The following SYTL2 variants were observed in gnomAD, a reference collection of about 807,000 sequenced individuals.
SYTL2 encodes synaptotagmin like 2.
Under a neutral mutation model 198.7 loss-of-function variants are expected in SYTL2, and 165 were observed. The ratio of observed to expected loss-of-function variants is 0.83; its 90% CI spans 0.73 to 0.94. The LOEUF (loss-of-function observed/expected upper bound fraction) is 0.94. Ranked by LOEUF, SYTL2 falls within the 40% of genes least tolerant of loss-of-function variation. SYTL2 has a pLI of 0.00. For missense variants in SYTL2, 2,835 were observed against 2,582.8 expected, an observed-to-expected ratio of 1.10 and a Z score of -2.12; for synonymous variants, 966 against 917.7, an observed-to-expected ratio of 1.05 and a Z score of -0.95.
chr11:85,835,514 T>A, the SYTL2 span, among the ~76,000 whole-genome samples: 1 of 152,256 alleles, frequency 6.6e-6, no homozygotes, highest in African/African-American at 2.4e-5. Context: ...ACTTGCCTTG[T>A]TATTTTCAGT....
the SYTL2 span, among the ~76,000 whole-genome samples, chr11:85,849,431 G>T: frequency 6.6e-6 from 1 of 152,208 alleles, no homozygotes; most frequent in East Asian, 1.9e-4. Flanking sequence ...TAGGTCTAAC[G>T]TTTAAGTCTT....
chr11:85,704,873 G>A lies in SYTL2; in HGVS notation c.6174C>T (p.Tyr2058=). 1 of 1,613,116 alleles carries A rather than the reference G, an allele frequency of 6.2e-7. No homozygotes were observed. The highest frequency in any genetic ancestry group is 8.5e-7 in the Non-Finnish European group (1 of 1,179,462). The stretch of plus-strand genomic sequence containing the variant: ...CCGGACTCACCTTCCGCTTCAGAGG[G>A]TACCATCTCAATTGTTTATTCTGTT... The part of the protein sequence containing the change: ...DNKQNKQLRW[Y]PLKRKTAPVA... The change falls in exon 16 of 20, where the codon TAC becomes TAT. Residue 2058 remains tyrosine (Y), a synonymous_variant. Coordinates refer to ENST00000359152, the MANE Select transcript of SYTL2 (RefSeq NM_206927.4).
chr11:85,741,839 A>C (rs1443131140), intron 4 of SYTL2, among the ~76,000 whole-genome samples: 2 of 152,348 alleles, frequency 1.3e-5, no homozygotes, highest in East Asian at 3.9e-4. Context: ...ACAGACGGTA[A>C]GAAGGAGACT....
chr11:85,696,029 G>T (rs2083355278), intron 19 of SYTL2, among the ~76,000 whole-genome samples, 154 bp downstream of exon 19: 1 of 152,110 alleles, frequency 6.6e-6, no homozygotes, highest in Non-Finnish European at 1.5e-5. Flanking sequence ...CATACAACCT[G>T]ACATTTCTTT....
intron 1 of SYTL2, among the ~76,000 whole-genome samples, chr11:85,761,501 T>C (rs1040075965): frequency 2.0e-5 from 3 of 152,116 alleles, no homozygotes; most frequent in Non-Finnish European, 4.4e-5. Flanking sequence ...GGTAAGACTG[T>C]ATTAGGCCTT....
At chr11:85,819,656 A>C in the SYTL2 span, among the ~76,000 whole-genome samples, 1 of 152,218 alleles carries the variant, frequency 6.6e-6, no homozygotes, top group African/African-American at 2.4e-5. Context: ...TTCAGTATCA[A>C]TGTGGGAGGG....
At chr11:85,760,966 G>T (rs1449523699) in intron 1 of SYTL2, among the ~76,000 whole-genome samples, 1 of 152,154 alleles carries the variant, frequency 6.6e-6, no homozygotes, top group African/African-American at 2.4e-5. Flanking sequence ...GCAGTATGAG[G>T]TGCTCACCCA....
chr11:85,714,545 A>C, intron 11 of SYTL2, 38 bp from the exon 12 acceptor site: 1 of 1,591,078 alleles, frequency 6.3e-7, no homozygotes, highest in Non-Finnish European at 8.6e-7. Flanking sequence ...TTATTCTTAC[A>C]ATTGTCAGAA....
the SYTL2 span, among the ~76,000 whole-genome samples, chr11:85,850,553 T>C: frequency 1.3e-5 from 2 of 151,174 alleles, no homozygotes; most frequent in Admixed American, 6.6e-5. Flanking sequence ...TGTGGAGAAA[T>C]AGGAACACTT....
chr11:85,707,811 C>A (rs2085443198), intron 14 of SYTL2, among the ~76,000 whole-genome samples: 1 of 151,704 alleles, frequency 6.6e-6, no homozygotes, highest in Non-Finnish European at 1.5e-5. Context: ...TGGAAAGGGG[C>A]AGAAAACACA....
chr11:85,724,335 T>C lies in SYTL2; in HGVS notation c.5023A>G (p.Thr1675Ala). ...PQLYVAHEIG[T>A]IKTVTPPEDR... ...TCTGGGGGGGTTACAGTTTTAATGG[T>C]CCCTATTTCATGAGCCACATAAAGT... The change falls in exon 8 of 20, where the codon ACC (threonine) becomes GCC (alanine). Residue 1675 changes from threonine to alanine, a missense_variant. Thr to Ala is a moderately conservative substitution (Grantham distance 58, BLOSUM62 0). This residue lies in a region of SYTL2 where 2,645 missense variants were observed against 2,381.7 expected (regional missense o/e 1.11). Transcript: ENST00000359152. 2 of 1,583,080 alleles carry C rather than the reference T, an allele frequency of 1.3e-6. No homozygotes were observed. Among genetic ancestry groups the C allele is most frequent in the Non-Finnish European group, 8.6e-7 (1 of 1,167,402 alleles).
intron 11 of SYTL2, chr11:85,716,397 G>A (rs948701234): frequency 6.6e-6 from 1 of 152,122 alleles, no homozygotes; most frequent in African/African-American, 2.4e-5. Flanking sequence ...TTAAGAATTT[G>A]TCAAGTCATG....
At chr11:85,750,088 T>C (rs1418691220) in intron 2 of SYTL2, among the ~76,000 whole-genome samples, 1 of 152,136 alleles carries the variant, frequency 6.6e-6, no homozygotes, top group Non-Finnish European at 1.5e-5. Flanking sequence ...GTGACCTCTG[T>C]AGATGACAGA....
chr11:85,701,979 G>A (rs1366744657), intron 16 of SYTL2, among the ~76,000 whole-genome samples: 1 of 152,124 alleles, frequency 6.6e-6, no homozygotes, highest in East Asian at 1.9e-4. Context: ...AGACTGAAAA[G>A]GTAAGCAGGA....
intron 13 of SYTL2, 86 bp from the exon 14 acceptor site, chr11:85,709,586 T>C (rs953173331): frequency 3.9e-6 from 5 of 1,286,422 alleles, no homozygotes; most frequent in Non-Finnish European, 5.5e-6. Context: ...CCTGCTGGCA[T>C]TATTTCTTTA....
In SYTL2 at chr11:85,727,803, T is replaced by C; in HGVS notation, c.1555A>G (p.Ile519Val). ...TEIKKSTDDS[I>V]FKVLDWFNRS... ...TTAAACCAGTCTAGAACTTTAAATATGGAATCATCAGTTGACTTCTTTATC... is the reference window on the plus strand; with the variant it reads ...TTAAACCAGTCTAGAACTTTAAATACGGAATCATCAGTTGACTTCTTTATC... The change falls in exon 8 of 20, where the codon ATA becomes GTA. Residue 519 changes from isoleucine to valine, a missense_variant. Coordinates refer to ENST00000359152, the MANE Select transcript of SYTL2 (RefSeq NM_206927.4). 6.2e-7 allele frequency: 1 copy of C among 1,604,204 alleles called. No individual in the cohort carries two copies. Among genetic ancestry groups the C allele is most frequent in the Non-Finnish European group, 8.5e-7 (1 of 1,175,402 alleles).
intron 1 of SYTL2, among the ~76,000 whole-genome samples, chr11:85,797,954 A>G (rs1338151593): frequency 6.6e-6 from 1 of 151,864 alleles, no homozygotes; most frequent in Non-Finnish European, 1.5e-5. Context: ...CCCAGGTTCA[A>G]GAGATTCTCC....
intron 1 of SYTL2, among the ~76,000 whole-genome samples, chr11:85,783,792 C>T (rs1412741841): frequency 6.6e-6 from 1 of 152,194 alleles, no homozygotes; most frequent in Non-Finnish European, 1.5e-5. Context: ...TGTGCTTCCA[C>T]CCCATGCTGC....
rs575062838 is a variant in SYTL2 at position 85,704,597 on chromosome 11, C to T, written c.6189+261G>A. Among the ~76,000 whole-genome samples, 4 of 152,110 alleles carry T rather than the reference C, an allele frequency of 2.6e-5. No homozygotes were observed. In the South Asian group the frequency reaches 8.3e-4, roughly 32 times the overall value. ...ACATGGAACATTTATCAAAATTCAG[C>T]CAAATATTAGGCTAAAAGTCAGTAT... On this transcript the variant is annotated intron_variant, in intron 16 of 19. Coordinates refer to ENST00000359152, the MANE Select transcript of SYTL2 (RefSeq NM_206927.4).
Sources: allele counts gnomAD v4.1 joint callset (sites outside exome capture counted in the v4.1 genomes callset), GRCh38; gene constraint gnomAD v4.1.1; regional missense constraint gnomAD v4.1.1; transcripts MANE v1.5; gene names NCBI Gene and HGNC (gene_info 2026-07-23, HGNC 2026-07-21).